Variants in SVIP observed in about 807,000 individuals in gnomAD.
SVIP encodes the protein small VCP/p97-interacting protein.
SVIP carries 14 observed loss-of-function variants against 12.9 expected under a neutral mutation model. The observed-to-expected ratio is 1.08, with a 90% CI of 0.72 to 1.70. The LOEUF (loss-of-function observed/expected upper bound fraction) is 1.70. Among genes scored for constraint, SVIP ranks in the 40% most tolerant of loss-of-function variants. The probability of loss-of-function intolerance (pLI) is 0.00; values close to 1 mark genes in which losing one functional copy is unlikely to be tolerated. For missense variants in SVIP, 93 were observed against 90.8 expected (o/e 1.02, Z -0.10); for synonymous variants, 35 against 33.3 (o/e 1.05, Z -0.17).
rs572284493 is a variant in SVIP at position 22,821,276 on chromosome 11, C to T, written c.*1843G>A. 1.3e-5 allele frequency: 2 copies of T among 151,810 alleles called. No homozygotes were observed. The highest frequency in any genetic ancestry group is 4.2e-4 in the South Asian group (2 of 4,804). 9.4% of individuals were successfully genotyped at this position (151,810 alleles called of 1,614,324 possible). A position where few individuals can be genotyped will look rare whatever the true frequency, so the allele number is the denominator to read the frequency against. On this transcript the variant is annotated 3_prime_UTR_variant, in exon 4 of 4. Coordinates refer to ENST00000354193, the MANE Select transcript of SVIP (RefSeq NM_148893.3). ...ACTGTTCCTAACATTTGGGTACCAC[C>T]CCTTAGCTCCTGCGACCCATGTGGT...
chr11:22,828,002 A>G (rs999017720), intron 1 of SVIP, 128 bp from the exon 2 acceptor site: 12 of 600,388 alleles, frequency 2.0e-5, no homozygotes, highest in East Asian at 3.3e-5. Flanking sequence ...TGTCCCACAA[A>G]GAATGCCACT....
intron 1 of SVIP, 23 bp from the exon 2 acceptor site, chr11:22,827,897 G>C (rs1857783736): frequency 7.4e-6 from 11 of 1,489,334 alleles, no homozygotes; most frequent in Admixed American, 1.9e-5. Flanking sequence ...GTAAAAATAT[G>C]TATTAAAATA....
intron 3 of SVIP, 61 bp downstream of exon 3, chr11:22,827,146 G>T: frequency 8.0e-7 from 1 of 1,250,708 alleles, no homozygotes; most frequent in Non-Finnish European, 1.2e-6. Flanking sequence ...TGAATGGATT[G>T]CTACTTAAGT....
At chr11:22,829,571 C>CT in intron 1 of SVIP, 124 bp downstream of exon 1, 1 of 1,021,732 alleles carries the variant, frequency 9.8e-7, no homozygotes. Context: ...CCCGTCCTCG[C>CT]TAGCAGGGTC....
Position 22,820,599 on chromosome 11 carries a change from A to T in SVIP, c.*2520T>A, listed in dbSNP as rs1282403454. On this transcript the variant is annotated 3_prime_UTR_variant, in exon 4 of 4. Coordinates refer to ENST00000354193, the MANE Select transcript of SVIP (RefSeq NM_148893.3). ...TAAAATTTTGTTAAAGAGACAGCTAAAGCTAATTTTTACATAGAAAAAAAT... is the reference window on the plus strand; with the variant it reads ...TAAAATTTTGTTAAAGAGACAGCTATAGCTAATTTTTACATAGAAAAAAAT... 1 of 152,174 alleles carries T rather than the reference A, an allele frequency of 6.6e-6. No individual in the cohort carries two copies. The highest frequency in any genetic ancestry group is 1.9e-4 in the East Asian group (1 of 5,192). 9.4% of individuals were successfully genotyped at this position (152,174 alleles called of 1,614,324 possible).
intron 1 of SVIP, 41 bp downstream of exon 1, chr11:22,829,654 C>T: frequency 6.4e-7 from 1 of 1,553,406 alleles, no homozygotes; most frequent in Non-Finnish European, 8.7e-7. Context: ...GACAGGTGCT[C>T]AAGGCGCGGC....
At position 22,822,947 on chromosome 11, in the gene SVIP, C is replaced by A; in HGVS notation, c.*172G>T. 1 of 550,518 alleles carries A rather than the reference C, an allele frequency of 1.8e-6. No individual in the cohort carries two copies. Among genetic ancestry groups the A allele is most frequent in the Non-Finnish European group, 3.1e-6 (1 of 318,742 alleles). 34.1% of individuals were successfully genotyped at this position (550,518 alleles called of 1,614,324 possible). A position where few individuals can be genotyped will look rare whatever the true frequency, so the allele number is the denominator to read the frequency against. On this transcript the variant is annotated 3_prime_UTR_variant, in exon 4 of 4. Transcript: ENST00000354193. ...AATCAGTATTTAATGAAAAGTCTAG[C>A]CATTCTCTAAGCTTGAAAATCAACG...
chr11:22,825,881 T>A (rs1448063781), intron 3 of SVIP, among the ~76,000 whole-genome samples: 1 of 152,222 alleles, frequency 6.6e-6, no homozygotes, highest in Non-Finnish European at 1.5e-5. Context: ...ATAGTGGATC[T>A]CATTATTTCC....
intron 3 of SVIP, among the ~76,000 whole-genome samples, chr11:22,826,571 T>C (rs756370233): frequency 3.9e-5 from 6 of 152,180 alleles, no homozygotes; most frequent in Non-Finnish European, 5.9e-5. Flanking sequence ...AATAAATCCT[T>C]TAAAGTCCTG....
intron 3 of SVIP, among the ~76,000 whole-genome samples, chr11:22,824,451 T>TATATATAC (rs1210476260): frequency 2.0e-5 from 2 of 101,090 alleles, no homozygotes; most frequent in African/African-American, 6.0e-5. Context: ...CACACATATA[T>TATATATAC]ATATATATAC....
In SVIP at chr11:22,821,241, C is replaced by T. The variant is rs1470015487; in HGVS notation, c.*1878G>A. 1 of 151,222 alleles carries T rather than the reference C, an allele frequency of 6.6e-6. No individual in the cohort carries two copies. The highest frequency in any genetic ancestry group is 1.5e-5 in the Non-Finnish European group (1 of 67,874). 9.4% of individuals were successfully genotyped at this position (151,222 alleles called of 1,614,324 possible). ...ATCCAGTCACTTCTTTTCCCTTGCCCTTTCCTAACACTGTTCCTAACATTT... is the reference window on the plus strand; with the variant it reads ...ATCCAGTCACTTCTTTTCCCTTGCCTTTTCCTAACACTGTTCCTAACATTT... On this transcript the variant is annotated 3_prime_UTR_variant, in exon 4 of 4. Transcript: ENST00000354193.
chr11:22,827,244 A>G lies in SVIP; in HGVS notation c.182T>C (p.Ile61Thr). The change falls in exon 3 of 4, where the codon ATT (isoleucine) becomes ACT (threonine). Residue 61 changes from isoleucine to threonine, a missense_variant. Transcript: ENST00000354193. ...RKKKEKIEKQ[I>T]ATSGPPPEGG... is the part of the protein sequence containing the mutation. ...TTCTGGTGGGGGCCCGGATGTAGCA[A>G]TTTGTTTTTCTATTTTTTCCTTTTT... 6.2e-7 allele frequency: 1 copy of G among 1,610,572 alleles called. No individual in the cohort carries two copies. The highest frequency in any genetic ancestry group is 8.5e-7 in the Non-Finnish European group (1 of 1,178,794).
chr11:22,828,196 G>C (rs1027496581), intron 1 of SVIP, among the ~76,000 whole-genome samples: 2 of 152,164 alleles, frequency 1.3e-5, no homozygotes, highest in Non-Finnish European at 2.9e-5. Flanking sequence ...AAAATACATG[G>C]TTTGTTACTG....
chr11:22,827,724 C>A, intron 2 of SVIP, 100 bp downstream of exon 2: 1 of 878,756 alleles, frequency 1.1e-6, no homozygotes, highest in South Asian at 2.0e-5. Flanking sequence ...TTTGGGATAT[C>A]AAAGGCCATT....
At chr11:22,824,017 G>A (rs948227816) in intron 3 of SVIP, among the ~76,000 whole-genome samples, 1 of 152,110 alleles carries the variant, frequency 6.6e-6, no homozygotes, top group African/African-American at 2.4e-5. Flanking sequence ...GAGATTACAC[G>A]TGTGAGTGAC....
At chr11:22,828,489 G>A (rs1857810272) in intron 1 of SVIP, among the ~76,000 whole-genome samples, 1 of 152,172 alleles carries the variant, frequency 6.6e-6, no homozygotes, top group African/African-American at 2.4e-5. Context: ...AATGAAGTAA[G>A]TAAACGTCTG....
intron 1 of SVIP, 65 bp downstream of exon 1, chr11:22,829,630 C>T: frequency 6.7e-7 from 1 of 1,502,544 alleles, no homozygotes; most frequent in Non-Finnish European, 9.0e-7. Flanking sequence ...GCTCGGCCCG[C>T]CCCGCAACCC....
Position 22,819,053 on chromosome 11 carries a change from A to G in SVIP, c.*4066T>C, listed in dbSNP as rs1310847821. The G allele has an allele frequency of 6.6e-6, 1 of 152,148 alleles. No homozygotes were observed. Among genetic ancestry groups the G allele is most frequent in the Non-Finnish European group, 1.5e-5 (1 of 68,014 alleles). The allele number at this position is 152,148 out of a possible 1,614,324, so 9.4% of individuals were successfully genotyped here. ...TCCCACTTTCAATTACAGATTTTTC[A>G]TTGCTTGCATATAAACATAGAATTG... On this transcript the variant is annotated 3_prime_UTR_variant, in exon 4 of 4. Transcript: ENST00000354193.
In SVIP at chr11:22,822,790, C is replaced by T. The variant is rs944002034; in HGVS notation, c.*329G>A. 2 of 217,642 alleles carry T rather than the reference C, an allele frequency of 9.2e-6. No individual in the cohort carries two copies. Among genetic ancestry groups the T allele is most frequent in the Non-Finnish European group, 1.8e-5 (2 of 110,394 alleles). 13.5% of individuals were successfully genotyped at this position (217,642 alleles called of 1,614,324 possible). A position where few individuals can be genotyped will look rare whatever the true frequency, so the allele number is the denominator to read the frequency against. ...TTTATAAAGGATGAAAAGACAACTG[C>T]GAATTTTAATCTTAGAGGTATATGC... On this transcript the variant is annotated 3_prime_UTR_variant, in exon 4 of 4. Transcript: ENST00000354193.
Sources: allele counts gnomAD v4.1 joint callset (sites outside exome capture counted in the v4.1 genomes callset), GRCh38; gene constraint gnomAD v4.1.1; transcripts MANE v1.5; gene names NCBI Gene and HGNC (gene_info 2026-07-23, HGNC 2026-07-21).